The following AHCYL1 variants were observed in gnomAD, a reference collection of about 807,000 sequenced individuals.
AHCYL1 encodes the protein adenosylhomocysteinase like 1, also known as S-adenosylhomocysteine hydrolase-like protein 1.
AHCYL1 carries 20 observed loss-of-function variants against 79.3 expected under a neutral mutation model. That is an observed-to-expected ratio of 0.25 (90% CI 0.18 to 0.37). The LOEUF (loss-of-function observed/expected upper bound fraction) is 0.37. Ranked by LOEUF, AHCYL1 falls within the 10% of genes least tolerant of loss-of-function variation. AHCYL1 has a pLI of 1.00. For missense variants in AHCYL1, 330 were observed against 673.6 expected, an observed-to-expected ratio of 0.49 and a Z score of 5.65; for synonymous variants, 223 against 242.2, an observed-to-expected ratio of 0.92 and a Z score of 0.74.
chr1:110,014,903 CT>C, intron 6 of AHCYL1, 46 bp downstream of exon 6: 11 of 1,540,988 alleles, frequency 7.1e-6, no homozygotes, highest in East Asian at 2.2e-5. Context: ...GATTTATTTC[CT>C]TTTTTTCCCT....
chr1:110,019,559 G>A lies in AHCYL1; in HGVS notation c.1398G>A (p.Leu466=), dbSNP rs1449171489. 6 of 1,609,780 alleles carry A rather than the reference G, an allele frequency of 3.7e-6. No individual in the cohort carries two copies. Among genetic ancestry groups the A allele is most frequent in the Non-Finnish European group, 4.2e-6 (5 of 1,178,892 alleles). Residue 466 remains leucine (L), a synonymous_variant, in exon 15 of 17, where the codon CTG becomes CTA. Transcript: ENST00000369799. ...TTTTCCCACCTTAGGCTTTGGCACT[G>A]ATAGAACTCTATAATGCACCCGAGG... ...SITATTQALA[L]IELYNAPEGR...
At chr1:110,021,609 G>A (rs964194221) in intron 16 of AHCYL1, 65 bp from the exon 17 acceptor site, 79 of 1,558,534 alleles carry the variant, frequency 5.1e-5, no homozygotes, top group Non-Finnish European at 6.1e-5. Flanking sequence ...CTCTGTTTCC[G>A]ATTGTTTTTT....
intron 1 of AHCYL1, among the ~76,000 whole-genome samples, chr1:110,003,705 A>G (rs1007423966): frequency 5.9e-5 from 9 of 152,176 alleles, no homozygotes; most frequent in African/African-American, 2.2e-4. Context: ...GAAAAGAAGT[A>G]TGGACAGGTC....
intron 5 of AHCYL1, 81 bp downstream of exon 5, chr1:110,013,080 A>G: frequency 1.9e-6 from 2 of 1,050,924 alleles, no homozygotes; most frequent in Non-Finnish European, 2.8e-6. Context: ...AATTGTCATT[A>G]CAATATCATA....
chr1:109,989,684 C>T (rs1379123816), intron 1 of AHCYL1, among the ~76,000 whole-genome samples: 1 of 152,176 alleles, frequency 6.6e-6, no homozygotes, highest in East Asian at 1.9e-4. Context: ...TTTAAAGGAA[C>T]TGGCGAATAA....
intron 1 of AHCYL1, among the ~76,000 whole-genome samples, chr1:110,006,513 C>A (rs1383541332): frequency 1.3e-5 from 2 of 152,046 alleles, no homozygotes; most frequent in African/African-American, 4.8e-5. Context: ...TGAGTCCAAC[C>A]CAATCAGAAG....
At chr1:110,016,857 C>A in intron 9 of AHCYL1, 127 bp downstream of exon 9, 1 of 938,064 alleles carries the variant, frequency 1.1e-6, no homozygotes, top group Admixed American at 2.5e-5. Flanking sequence ...TAATGTATCT[C>A]AAACAATAGC....
At chr1:110,012,834 C>A in intron 4 of AHCYL1, 63 bp from the exon 5 acceptor site, 2 of 1,308,396 alleles carry the variant, frequency 1.5e-6, no homozygotes, top group Non-Finnish European at 2.1e-6. Flanking sequence ...CTTGATGAGG[C>A]TTGCTCTCCA....
intron 1 of AHCYL1, chr1:110,003,911 T>G (rs1305338976): frequency 3.0e-5 from 30 of 985,290 alleles, no homozygotes; most frequent in Non-Finnish European, 2.3e-5. Flanking sequence ...TGGAGCACTT[T>G]AGGAGATAAT....
At chr1:109,988,425 C>G (rs1281268241) in intron 1 of AHCYL1, among the ~76,000 whole-genome samples, 1 of 152,172 alleles carries the variant, frequency 6.6e-6, no homozygotes, top group Non-Finnish European at 1.5e-5. Context: ...TGGCAGTTAT[C>G]GGTCAAACCA....
intron 1 of AHCYL1, among the ~76,000 whole-genome samples, chr1:109,995,466 A>G (rs1361233743): frequency 6.6e-6 from 1 of 152,318 alleles, no homozygotes; most frequent in East Asian, 1.9e-4. Flanking sequence ...AACCCCTAGG[A>G]TCCATCTGAT....
intron 5 of AHCYL1, among the ~76,000 whole-genome samples, chr1:110,013,404 C>A (rs372750134): frequency 6.6e-6 from 1 of 152,160 alleles, no homozygotes; most frequent in African/African-American, 2.4e-5. Flanking sequence ...TTTAATTAAA[C>A]GTAAAATAAT....
rs1455647112 is a variant in AHCYL1, at chr1:109,985,193, G to A, written c.120+21G>A. 3 of 1,600,708 alleles carry A rather than the reference G, an allele frequency of 1.9e-6. No individual in the cohort carries two copies. The Admixed American group carries it at 5.1e-5, about 27-fold the overall frequency. On this transcript the variant is annotated intron_variant, in intron 1 of 16. Coordinates refer to ENST00000369799, the MANE Select transcript of AHCYL1 (RefSeq NM_006621.7). ...AGAAGGTGCGGGGGCTCTGGGTGGCGGCGGGGGCTCGGGCTCCGGCCTCGC... is the reference window on the plus strand; with the variant it reads ...AGAAGGTGCGGGGGCTCTGGGTGGCAGCGGGGGCTCGGGCTCCGGCCTCGC...
intron 1 of AHCYL1, among the ~76,000 whole-genome samples, chr1:109,997,387 G>A (rs1306005736): frequency 6.6e-6 from 1 of 152,056 alleles, no homozygotes. Flanking sequence ...AGAAAAGGAG[G>A]GCAGAACTCA....
chr1:110,003,764 G>A (rs1433131395), intron 1 of AHCYL1, among the ~76,000 whole-genome samples: 1 of 152,164 alleles, frequency 6.6e-6, no homozygotes. Flanking sequence ...GAAACAGTCT[G>A]GGTGTGTGTT....
intron 10 of AHCYL1, 54 bp downstream of exon 10, chr1:110,017,637 G>A (rs749201627): frequency 5.1e-6 from 8 of 1,553,918 alleles, no homozygotes; most frequent in Non-Finnish European, 7.1e-6. Flanking sequence ...TTATGTTATT[G>A]AGAGTTCATA....
At chr1:109,994,044 A>C (rs963948205) in intron 1 of AHCYL1, among the ~76,000 whole-genome samples, 4 of 152,208 alleles carry the variant, frequency 2.6e-5, no homozygotes, top group African/African-American at 9.7e-5. Flanking sequence ...TCTGAGTCAA[A>C]GGCTGAGTTT....
chr1:110,009,319 C>A (rs544731493), intron 2 of AHCYL1, among the ~76,000 whole-genome samples, 174 bp downstream of exon 2: 4 of 152,322 alleles, frequency 2.6e-5, no homozygotes, highest in Admixed American at 2.0e-4. Flanking sequence ...GCTGGGGAAG[C>A]TTTTGTCGAC....
At chr1:110,001,505 CTGAGCCTATACTAG>C (rs1650313020) in intron 1 of AHCYL1, among the ~76,000 whole-genome samples, 1 of 152,126 alleles carries the variant, frequency 6.6e-6, no homozygotes, top group Non-Finnish European at 1.5e-5. Flanking sequence ...TTTTATTTCC[CTGAGCCTATACTAG>C]TTGGTTCTTA....
Sources: allele counts gnomAD v4.1 joint callset (sites outside exome capture counted in the v4.1 genomes callset), GRCh38; gene constraint gnomAD v4.1.1; transcripts MANE v1.5; gene names NCBI Gene and HGNC (gene_info 2026-07-23, HGNC 2026-07-21).